The following N4BP2L2 variants were observed in gnomAD, a reference collection of about 807,000 sequenced individuals.
N4BP2L2 encodes NEDD4 binding protein 2 like 2, also known as NEDD4-binding protein 2-like 2.
Under a neutral mutation model 56.2 loss-of-function variants are expected in N4BP2L2, and 50 were observed. The ratio of observed to expected loss-of-function variants is 0.89; its 90% CI spans 0.71 to 1.13. The LOEUF (loss-of-function observed/expected upper bound fraction) is 1.13. Ranked by LOEUF, N4BP2L2 falls within the 50% of genes most tolerant of loss-of-function variation. The probability of loss-of-function intolerance (pLI) is 0.00; values close to 1 mark genes in which losing one functional copy is unlikely to be tolerated. For missense variants in N4BP2L2, 689 were observed against 693.8 expected, an observed-to-expected ratio of 0.99 and a Z score of 0.08; for synonymous variants, 203 against 223.6, an observed-to-expected ratio of 0.91 and a Z score of 0.82.
At chr13:32,517,332 T>C in exon 6 of N4BP2L2, 1 of 986,892 alleles carries the variant, frequency 1.0e-6, no homozygotes, top group Non-Finnish European at 1.2e-6. Flanking sequence ...ATCAATCAGC[T>C]GAAATATAAT....
chr13:32,436,785 C>CAAAAAAAAAAAAAAAA (rs1174354861), intron 8 of N4BP2L2, among the ~76,000 whole-genome samples: 1 of 44,970 alleles, frequency 2.2e-5, no homozygotes, highest in African/African-American at 7.9e-5. Flanking sequence ...GTGTGACTGT[C>CAAAAAAAAAAAAAAAA]AAAAAAAAAA....
At chr13:32,525,323 A>G (rs1408578872) in intron 3 of N4BP2L2, 1 of 152,212 alleles carries the variant, frequency 6.6e-6, no homozygotes, top group Non-Finnish European at 1.5e-5. Context: ...ATATATTTGG[A>G]GAAATTCTAG....
chr13:32,521,532 C>T (rs1211178680), intron 4 of N4BP2L2, 83 bp from the exon 5 acceptor site: 48 of 907,654 alleles, frequency 5.3e-5, no homozygotes, highest in South Asian at 5.1e-4. Flanking sequence ...AATTTCATTT[C>T]GACAATACTA....
exon 6 of N4BP2L2, chr13:32,517,499 G>C: frequency 9.2e-7 from 1 of 1,092,296 alleles, no homozygotes; most frequent in Non-Finnish European, 1.1e-6. Flanking sequence ...CTATAAAATA[G>C]ATAAATTAGT....
At chr13:32,455,661 T>C (rs1344410166) in intron 6 of N4BP2L2, among the ~76,000 whole-genome samples, 1 of 152,132 alleles carries the variant, frequency 6.6e-6, no homozygotes, top group South Asian at 2.1e-4. Flanking sequence ...AGCTGGTGCC[T>C]CAGCATACTA....
chr13:32,434,201 C>A (rs1296368292), intron 9 of N4BP2L2, among the ~76,000 whole-genome samples: 1 of 149,824 alleles, frequency 6.7e-6, no homozygotes, highest in Non-Finnish European at 1.5e-5. Context: ...CTCAGCCTCC[C>A]AAGTAGCTTG....
chr13:32,476,357 G>T (rs1415791831), intron 6 of N4BP2L2, among the ~76,000 whole-genome samples: 1 of 152,184 alleles, frequency 6.6e-6, no homozygotes, highest in Non-Finnish European at 1.5e-5. Flanking sequence ...GTCTAAAAGT[G>T]AACAGAAACT....
At chr13:32,488,754 T>C (rs2139290239) in intron 6 of N4BP2L2, among the ~76,000 whole-genome samples, 1 of 152,338 alleles carries the variant, frequency 6.6e-6, no homozygotes, top group South Asian at 2.1e-4. Flanking sequence ...AATGTGCTAC[T>C]TTTGTAATAG....
chr13:32,517,606 T>C, exon 6 of N4BP2L2: 1 of 1,369,942 alleles, frequency 7.3e-7, no homozygotes, highest in East Asian at 2.8e-5. Flanking sequence ...CAAGAGAATA[T>C]AAAAACATTT....
intron 6 of N4BP2L2, among the ~76,000 whole-genome samples, chr13:32,492,273 A>AATTTTTT (rs2087294794): frequency 2.8e-5 from 2 of 72,128 alleles, no homozygotes; most frequent in African/African-American, 5.7e-5. Context: ...AAACACCAAA[A>AATTTTTT]TTTTTTTTTT....
At chr13:32,440,824 G>A (rs2076202204) in intron 7 of N4BP2L2, among the ~76,000 whole-genome samples, 1 of 150,296 alleles carries the variant, frequency 6.7e-6, no homozygotes, top group African/African-American at 2.5e-5. Context: ...TTCACATGTA[G>A]ATTTTTTCAT....
At chr13:32,451,006 G>A (rs778083365) in intron 6 of N4BP2L2, among the ~76,000 whole-genome samples, 1 of 151,716 alleles carries the variant, frequency 6.6e-6, no homozygotes, top group Non-Finnish European at 1.5e-5. Flanking sequence ...GTGAGCCACC[G>A]CACCTGGCCT....
chr13:32,476,692 A>T (rs2083384569), intron 6 of N4BP2L2, among the ~76,000 whole-genome samples: 1 of 152,236 alleles, frequency 6.6e-6, no homozygotes, highest in African/African-American at 2.4e-5. Flanking sequence ...ATACATTGGA[A>T]ACATATAACC....
intron 3 of N4BP2L2, chr13:32,524,341 G>A (rs1401415795): frequency 6.6e-6 from 1 of 152,178 alleles, no homozygotes; most frequent in African/African-American, 2.4e-5. Context: ...CAGAAAAGAA[G>A]TTTTATTGAT....
In N4BP2L2 at chr13:32,470,780, A is replaced by G. The variant is rs117629637; in HGVS notation, c.366-26654T>C. Among the ~76,000 whole-genome samples, 1,044 of 152,336 alleles carry G rather than the reference A, an allele frequency of 6.9e-3. 19 individuals are homozygous for G. In the East Asian group the frequency reaches 0.084, roughly 12 times the overall value. The stretch of plus-strand genomic sequence containing the variant: ...TAGAACAGCGGAGTATGCTGAGTAC[A>G]AGTACCTTAGCTGCAGTGTTACAAG... On this transcript the variant is annotated intron_variant, in intron 6 of 9. Transcript: ENST00000357505.
downstream of N4BP2L2, among the ~76,000 whole-genome samples, chr13:32,510,047 T>G (rs1388515338): frequency 6.6e-6 from 1 of 152,072 alleles, no homozygotes; most frequent in Admixed American, 6.5e-5. Context: ...TCTTTTACTG[T>G]TCTTTCAGAA....
chr13:32,527,779 CT>C (rs11374781), intron 2 of N4BP2L2, among the ~76,000 whole-genome samples: 1,881 of 139,338 alleles, frequency 0.013, 19 homozygotes, highest in African/African-American at 0.03. Flanking sequence ...AACAGAAACT[CT>C]TTTTTTTTTT....
intron 6 of N4BP2L2, among the ~76,000 whole-genome samples, chr13:32,451,607 TCACCA>T (rs2078027255): frequency 6.6e-6 from 1 of 151,972 alleles, no homozygotes; most frequent in African/African-American, 2.4e-5. Flanking sequence ...AGTGGTGTAA[TCACCA>T]CTTACTGCAA....
exon 2 of N4BP2L2, chr13:32,535,780 T>C: frequency 6.2e-7 from 1 of 1,613,038 alleles, no homozygotes. Flanking sequence ...GAGACAATGT[T>C]GTTTTCCCAG....
Sources: gnomAD v4.1 joint callset for allele counts (sites outside exome capture counted in the v4.1 genomes callset) on GRCh38, gnomAD v4.1.1 for gene constraint, MANE v1.5 for transcripts, NCBI Gene and HGNC (gene_info 2026-07-23, HGNC 2026-07-21) for gene names.